Variants in GTF2IRD2B observed in about 807,000 individuals in gnomAD.
The protein encoded by GTF2IRD2B is GTF2I repeat domain containing 2B.
GTF2IRD2B carries 10 observed loss-of-function variants against 55.6 expected under a neutral mutation model. That is an observed-to-expected ratio of 0.18 (90% CI 0.11 to 0.31). The LOEUF (loss-of-function observed/expected upper bound fraction) is 0.31, where lower values mean the gene tolerates loss of function less well. Ranked by LOEUF, GTF2IRD2B falls within the 10% of genes least tolerant of loss-of-function variation. GTF2IRD2B has a pLI of 1.00. For missense variants in GTF2IRD2B, 206 were observed against 802.7 expected, an observed-to-expected ratio of 0.26 and a Z score of 8.98; for synonymous variants, 107 against 320.5, an observed-to-expected ratio of 0.33 and a Z score of 7.12.
At chr7:75,115,590 A>ATTTTTT (rs1163954497) in intron 3 of GTF2IRD2B, among the ~76,000 whole-genome samples, 1 of 81,568 alleles carries the variant, frequency 1.2e-5, no homozygotes, top group Non-Finnish European at 2.5e-5. Flanking sequence ...TGCCCAGCTA[A>ATTTTTT]TTTTTTTTTT....
At chr7:75,102,388 G>T (rs1284330305) in intron 1 of GTF2IRD2B, among the ~76,000 whole-genome samples, 2 of 151,490 alleles carry the variant, frequency 1.3e-5, no homozygotes, top group Non-Finnish European at 1.5e-5. Context: ...TCTATTCTCA[G>T]TTCCTATAGA....
Position 75,114,692 on chromosome 7 carries a change from G to A in GTF2IRD2B, c.238+2157G>A, listed in dbSNP as rs137902296. ...TACAAGTGAGAACATGTGGTATTCA[G>A]TTTTCTGTCCCTGCATTAATTTACA... On this transcript the variant is annotated intron_variant, in intron 3 of 15. Transcript: ENST00000472837. 4.1e-3 allele frequency among the ~76,000 whole-genome samples: 630 copies of A among 151,820 alleles called. 8 individuals carry two copies. Among genetic ancestry groups the A allele is most frequent in the African/African-American group, 0.014 (594 of 41,352 alleles).
intron 3 of GTF2IRD2B, among the ~76,000 whole-genome samples, chr7:75,116,361 C>A (rs1397447857): frequency 6.6e-6 from 1 of 151,284 alleles, no homozygotes; most frequent in South Asian, 2.1e-4. Context: ...ATTTCCTTTG[C>A]AGATTGTTCA....
At chr7:75,132,087 G>A (rs587773399) in intron 8 of GTF2IRD2B, among the ~76,000 whole-genome samples, 1 of 145,716 alleles carries the variant, frequency 6.9e-6, no homozygotes, top group South Asian at 2.1e-4. Context: ...TAAGTGCCTA[G>A]CCGGGCACGG....
chr7:75,123,022 C>T lies in GTF2IRD2B; in HGVS notation c.359-114C>T, dbSNP rs587726604. On this transcript the variant is annotated intron_variant, in intron 4 of 15. Coordinates refer to ENST00000472837, the MANE Select transcript of GTF2IRD2B (RefSeq NM_001003795.3). ...CCGAGATCTTGCCATTGCACTCCAG[C>T]CGGGGTGGCAGAGCGAGACTCTGTT... 3.0e-4 allele frequency: 459 copies of T among 1,542,912 alleles called. 5 individuals carry two copies. In the East Asian group the frequency reaches 0.01, roughly 34 times the overall value.
At chr7:75,093,134 CG>C (rs1228108634) in intron 1 of GTF2IRD2B, among the ~76,000 whole-genome samples, 3 of 151,500 alleles carry the variant, frequency 2.0e-5, no homozygotes, top group African/African-American at 7.2e-5. Context: ...GATAAGGGGG[CG>C]GGGGCCGCCG....
chr7:75,147,487 A>G (rs587648022), intron 15 of GTF2IRD2B, among the ~76,000 whole-genome samples: 1 of 152,158 alleles, frequency 6.6e-6, no homozygotes, highest in East Asian at 1.9e-4. Flanking sequence ...AAACTTGAAG[A>G]TCTGGCCACA....
chr7:75,101,318 C>T (rs1173609500), intron 1 of GTF2IRD2B, among the ~76,000 whole-genome samples: 40 of 150,992 alleles, frequency 2.6e-4, no homozygotes, highest in Non-Finnish European at 4.9e-4. Context: ...GCCTGTAATC[C>T]CAACACTCTG....
chr7:75,134,779 C>A (rs1368010197), intron 9 of GTF2IRD2B, among the ~76,000 whole-genome samples: 6 of 143,182 alleles, frequency 4.2e-5, no homozygotes, highest in Non-Finnish European at 7.4e-5. Flanking sequence ...GTTGGCCAGG[C>A]TGGTCTCGAA....
At chr7:75,115,941 A>G (rs1808137427) in intron 3 of GTF2IRD2B, among the ~76,000 whole-genome samples, 2 of 118,258 alleles carry the variant, frequency 1.7e-5, no homozygotes, top group Non-Finnish European at 3.4e-5. Flanking sequence ...TTTTTGAGAG[A>G]CAGAGTCTTG....
intron 8 of GTF2IRD2B, among the ~76,000 whole-genome samples, chr7:75,127,024 C>CAAAAAA (rs1327743794): frequency 1.6e-4 from 12 of 74,598 alleles, no homozygotes; most frequent in African/African-American, 3.2e-4. Flanking sequence ...AAAACAAAAA[C>CAAAAAA]AAAAAAAACA....
intron 9 of GTF2IRD2B, among the ~76,000 whole-genome samples, chr7:75,133,480 G>A (rs1808730088): frequency 6.7e-6 from 1 of 148,426 alleles, no homozygotes; most frequent in African/African-American, 2.6e-5. Flanking sequence ...TAGTCCTCCA[G>A]CCTTGGCCTC....
intron 4 of GTF2IRD2B, among the ~76,000 whole-genome samples, chr7:75,121,569 C>T (rs1248386179): frequency 2.1e-5 from 3 of 143,122 alleles, no homozygotes; most frequent in Non-Finnish European, 4.6e-5. Context: ...AGCGATTCTC[C>T]CACCCCAGCC....
intron 15 of GTF2IRD2B, chr7:75,146,890 G>T (rs1183224834): frequency 1.4e-5 from 2 of 141,858 alleles, no homozygotes; most frequent in African/African-American, 5.3e-5. Context: ...TTGAGCCTGG[G>T]GTTTCAGACC....
chr7:75,147,138 A>G (rs1278326924), intron 15 of GTF2IRD2B, among the ~76,000 whole-genome samples: 20 of 150,918 alleles, frequency 1.3e-4, no homozygotes, highest in African/African-American at 3.7e-4. Flanking sequence ...TTCTTTAGAA[A>G]ACCTGAAGAT....
chr7:75,105,475 G>A (rs1807762649), intron 1 of GTF2IRD2B, among the ~76,000 whole-genome samples: 1 of 152,290 alleles, frequency 6.6e-6, no homozygotes, highest in East Asian at 1.9e-4. Flanking sequence ...CTGCACTCTA[G>A]CCTGGGTGAC....
chr7:75,119,159 A>G (rs1808270435), intron 3 of GTF2IRD2B, among the ~76,000 whole-genome samples: 1 of 111,712 alleles, frequency 9.0e-6, no homozygotes, highest in Non-Finnish European at 1.7e-5. Context: ...ATGCCATTGC[A>G]CTCCAGCTTA....
intron 1 of GTF2IRD2B, among the ~76,000 whole-genome samples, chr7:75,102,927 C>G (rs1451240642): frequency 1.5e-4 from 23 of 151,694 alleles, no homozygotes; most frequent in African/African-American, 4.6e-4. Context: ...CCATTTCACT[C>G]CAGCCTGGGC....
At chr7:75,122,375 C>A (rs1808407079) in intron 4 of GTF2IRD2B, among the ~76,000 whole-genome samples, 1 of 121,756 alleles carries the variant, frequency 8.2e-6, no homozygotes, top group Non-Finnish European at 1.6e-5. Flanking sequence ...GTGGGAGGAT[C>A]ATTTGAGCCC....
Sources: allele counts gnomAD v4.1 joint callset (sites outside exome capture counted in the v4.1 genomes callset), GRCh38; gene constraint gnomAD v4.1.1; transcripts MANE v1.5; gene names NCBI Gene and HGNC (gene_info 2026-07-23, HGNC 2026-07-21).